Variants in ZNF398 observed in about 807,000 individuals in gnomAD.
ZNF398 encodes the protein zinc finger protein 398, also known as zinc finger DNA binding protein ZER6.
In ZNF398, 18 loss-of-function variants were observed where a neutral mutation model predicts 41.9. The ratio of observed to expected loss-of-function variants is 0.43; its 90% CI spans 0.30 to 0.64. The LOEUF (loss-of-function observed/expected upper bound fraction) is 0.64. Ranked by LOEUF, ZNF398 falls within the 30% of genes least tolerant of loss-of-function variation. ZNF398 has a pLI of 0.14. For synonymous variants in ZNF398, 260 were observed against 308.8 expected (o/e 0.84, Z 1.66); for missense variants, 669 against 822.8 (o/e 0.81, Z 2.29).
At chr7:149,161,685 A>G (rs1292758089) in intron 2 of ZNF398, among the ~76,000 whole-genome samples, 3 of 152,210 alleles carry the variant, frequency 2.0e-5, no homozygotes, top group Non-Finnish European at 4.4e-5. Flanking sequence ...AAAGTACTCA[A>G]GTGCCTATTA....
chr7:149,172,084 C>A (rs1166066282), intron 4 of ZNF398, among the ~76,000 whole-genome samples: 1 of 152,158 alleles, frequency 6.6e-6, no homozygotes, highest in African/African-American at 2.4e-5. Flanking sequence ...ACAAATGTTA[C>A]ATGGTACGTG....
At chr7:149,166,105 T>C in intron 2 of ZNF398, 53 bp from the exon 3 acceptor site, 2 of 1,549,304 alleles carry the variant, frequency 1.3e-6, no homozygotes, top group East Asian at 2.3e-5. Context: ...AAGAGATTTA[T>C]TGAATGACTG....
At chr7:149,160,588 C>T (rs1263537788) in intron 2 of ZNF398, among the ~76,000 whole-genome samples, 1 of 152,226 alleles carries the variant, frequency 6.6e-6, no homozygotes, top group Non-Finnish European at 1.5e-5. Flanking sequence ...CATGTCTTGT[C>T]CATGTCATTC....
chr7:149,179,352 G>A lies in ZNF398; in HGVS notation c.1480G>A (p.Gly494Ser). 1.9e-6 allele frequency: 3 copies of A among 1,613,332 alleles called. No individual in the cohort carries two copies. The highest frequency in any genetic ancestry group is 1.7e-6 in the Non-Finnish European group (2 of 1,180,018). The change falls in exon 6 of 6, where the codon GGC (glycine) becomes AGC (serine). Residue 494 changes from glycine (G) to serine (S), a missense_variant. Gly to Ser is a moderately conservative substitution (Grantham distance 56). Transcript: ENST00000475153. This position sits in a 1 kb window ranked among gnomAD's most constrained non-coding sequence, Gnocchi z 6.1. ...CCCTCAGTGTGGCATTGACTTCAACGGCCACTCGGCCCTGATCCGCCACCA... is the reference window on the plus strand; with the variant it reads ...CCCTCAGTGTGGCATTGACTTCAACAGCCACTCGGCCCTGATCCGCCACCA... ...SCPQCGIDFN[G>S]HSALIRHQMI...
At chr7:149,144,512 T>C (rs1409086662), upstream of ZNF398, among the ~76,000 whole-genome samples, 1 of 152,174 alleles carries the variant, frequency 6.6e-6, no homozygotes, top group African/African-American at 2.4e-5. Context: ...TCCCACCAGG[T>C]TGCCCTGACT....
chr7:149,142,746 G>C (rs769801527), upstream of ZNF398, among the ~76,000 whole-genome samples: 18 of 152,164 alleles, frequency 1.2e-4, no homozygotes, highest in Admixed American at 2.6e-4. Flanking sequence ...CCATACAGAG[G>C]AGCAATTATT....
intron 4 of ZNF398, among the ~76,000 whole-genome samples, chr7:149,173,054 T>TGGTGGTTGCTAAAGGTTGG (rs1171553394): frequency 6.9e-6 from 1 of 144,232 alleles, no homozygotes; most frequent in African/African-American, 2.6e-5. Context: ...CTAATCCGGG[T>TGGTGGTTGCTAAAGGTTGG]GGTGGTTGCT....
intron 1 of ZNF398, chr7:149,148,252 G>A (rs1158469735): frequency 1.2e-5 from 2 of 170,430 alleles, no homozygotes; most frequent in African/African-American, 4.8e-5. Context: ...GGACACGCGG[G>A]AGGCCCTCCC....
Position 149,167,713 on chromosome 7 carries a change from C to T in ZNF398, c.661+783C>T, listed in dbSNP as rs1439117047. Among the ~76,000 whole-genome samples, 3 of 150,038 alleles carry T rather than the reference C, an allele frequency of 2.0e-5. No homozygotes were observed. The East Asian group carries it at 5.8e-4, about 29-fold the overall frequency. ...GCAAGCTCCGTCTCCTGGGTTCACG[C>T]CACTCTCCTGCCTCAGGTTCCCAAG... is the stretch of plus-strand genomic sequence containing the variant. On this transcript the variant is annotated intron_variant, in intron 4 of 5. Transcript: ENST00000475153.
chr7:149,144,313 T>G (rs544240173), upstream of ZNF398, among the ~76,000 whole-genome samples: 1 of 152,308 alleles, frequency 6.6e-6, no homozygotes, highest in South Asian at 2.1e-4. Flanking sequence ...TTGAAAACTT[T>G]ACTACTTTTT....
intron 1 of ZNF398, among the ~76,000 whole-genome samples, chr7:149,150,691 TCCCCGCCTCCCGCGCCC>T (rs141810955): frequency 0.19 from 29,055 of 151,850 alleles, 3,352 homozygotes; most frequent in African/African-American, 0.32. Context: ...AGGTGATTCT[TCCCCGCCTCCCGCGCCC>T]CCCCGCCTCC....
rs889755605 is a variant in ZNF398, at chr7:149,166,045, T to G, written c.421-113T>G. The G allele has an allele frequency of 3.3e-6, 4 of 1,201,628 alleles. No homozygotes were observed. In the Admixed American group the frequency reaches 7.3e-5, roughly 22 times the overall value. The allele number at this position is 1,201,628 out of a possible 1,614,324, so 74.4% of individuals were successfully genotyped here. A position where few individuals can be genotyped will look rare whatever the true frequency, so the allele number is the denominator to read the frequency against. On this transcript the variant is annotated intron_variant, in intron 2 of 5. Coordinates refer to ENST00000475153, the MANE Select transcript of ZNF398 (RefSeq NM_170686.3). The stretch of plus-strand genomic sequence containing the variant: ...ACCATTTCAGAGATATTTAGAATAT[T>G]TATTGACCACCCTTTGAAAATGTAA...
Position 149,181,674 on chromosome 7 carries a change from C to T in ZNF398, c.*1873C>T, listed in dbSNP as rs763549001. On this transcript the variant is annotated 3_prime_UTR_variant, in exon 6 of 6. Transcript: ENST00000475153. The stretch of plus-strand genomic sequence containing the variant: ...ATCTGCTCCATGACATTCACAATAC[C>T]AGGGACCATGGGAGACACAAGAAAT... 6.6e-6 allele frequency: 1 copy of T among 152,124 alleles called. No individual in the cohort carries two copies. Among genetic ancestry groups the T allele is most frequent in the African/African-American group, 2.4e-5 (1 of 41,422 alleles). The allele number at this position is 152,124 out of a possible 1,614,324, so 9.4% of individuals were successfully genotyped here.
At chr7:149,134,652 G>T (rs1826673650) in intron 2 of ZNF398, among the ~76,000 whole-genome samples, 1 of 152,124 alleles carries the variant, frequency 6.6e-6, no homozygotes, top group Admixed American at 6.6e-5. Flanking sequence ...ATAGGTAAAA[G>T]AGTAACACCT....
chr7:149,147,805 AC>A lies in ZNF398; in HGVS notation c.24+42del. On this transcript the variant is annotated intron_variant, in intron 1 of 5. Coordinates refer to ENST00000475153, the MANE Select transcript of ZNF398 (RefSeq NM_170686.3). This position sits in a 1 kb window ranked among gnomAD's most constrained non-coding sequence, Gnocchi z 5.6. Reference sequence around the variant, plus strand: ...CGCGCGAGTGTTGTGAGCCCCCGAGACCCAGACCCCGAGGGAGGAAGGCGGG... The same window carrying A: ...CGCGCGAGTGTTGTGAGCCCCCGAGACCAGACCCCGAGGGAGGAAGGCGGG... 7.3e-7 allele frequency: 1 copy of A among 1,361,678 alleles called. No homozygotes were observed. Among genetic ancestry groups the A allele is most frequent in the Non-Finnish European group, 9.5e-7 (1 of 1,056,200 alleles). 84.3% of individuals were successfully genotyped at this position (1,361,678 alleles called of 1,614,324 possible).
chr7:149,138,470 C>T (rs1826760183), intron 2 of ZNF398, among the ~76,000 whole-genome samples: 1 of 152,022 alleles, frequency 6.6e-6, no homozygotes, highest in Non-Finnish European at 1.5e-5. Flanking sequence ...TCCAGCTACT[C>T]TCAGGAAGCT....
chr7:149,154,066 C>T lies in ZNF398; in HGVS notation c.146C>T (p.Ala49Val). The change falls in exon 2 of 6, where the codon GCC (alanine) becomes GTC (valine). Residue 49 changes from alanine to valine, a missense_variant. Transcript: ENST00000475153. ...AAISLWTVVA[A>V]VQAIERKVEI... is the part of the protein sequence containing the mutation. ...ATCTCTCTGTGGACAGTGGTGGCCG[C>T]CGTGCAGGCTATAGAGAGGAAGGTG... 1 of 1,614,180 alleles carries T rather than the reference C, an allele frequency of 6.2e-7. No individual in the cohort carries two copies. Among genetic ancestry groups the T allele is most frequent in the East Asian group, 2.2e-5 (1 of 44,892 alleles).
chr7:149,150,491 C>A (rs527615386), intron 1 of ZNF398, among the ~76,000 whole-genome samples: 1 of 151,914 alleles, frequency 6.6e-6, no homozygotes, highest in Non-Finnish European at 1.5e-5. Flanking sequence ...CCCGGCTACT[C>A]GGGAGGCTGA....
intron 4 of ZNF398, among the ~76,000 whole-genome samples, chr7:149,175,920 A>G (rs1216084006): frequency 6.6e-6 from 1 of 152,104 alleles, no homozygotes; most frequent in African/African-American, 2.4e-5. Flanking sequence ...TCTTGACCTC[A>G]AATGATCCAC....
Sources: gnomAD v4.1 joint callset for allele counts (sites outside exome capture counted in the v4.1 genomes callset) on GRCh38, gnomAD v4.1.1 for gene constraint, Gnocchi (gnomAD v3.1) non-coding constraint, MANE v1.5 for transcripts, NCBI Gene and HGNC (gene_info 2026-07-23, HGNC 2026-07-21) for gene names.